The following TSG101 variants were observed in gnomAD, a reference collection of about 807,000 sequenced individuals.
TSG101 encodes the protein tumor susceptibility gene 101 protein.
Under a neutral mutation model 48.5 loss-of-function variants are expected in TSG101, and 19 were observed. The observed-to-expected ratio is 0.39, with a 90% CI of 0.27 to 0.58. The LOEUF (loss-of-function observed/expected upper bound fraction) is 0.58. Among genes scored for constraint, TSG101 ranks in the 20% least tolerant of loss-of-function variants. The pLI, the probability that TSG101 is intolerant of heterozygous loss-of-function variation, is 0.55. For synonymous variants in TSG101, 174 were observed against 169.4 expected (o/e 1.03, Z -0.21); for missense variants, 365 against 484.4 (o/e 0.75, Z 2.31).
At chr11:18,509,457 T>G (rs1850039610) in intron 5 of TSG101, 85 bp downstream of exon 5, 2 of 1,487,756 alleles carry the variant, frequency 1.3e-6, no homozygotes, top group Admixed American at 4.3e-5. Flanking sequence ...AGCAAAGAAG[T>G]CATTATTTTT....
chr11:18,499,959 G>A (rs963757694), intron 7 of TSG101, among the ~76,000 whole-genome samples: 1 of 151,910 alleles, frequency 6.6e-6, no homozygotes. Context: ...CTATCTAACT[G>A]TATGTTTGTA....
At chr11:18,490,699 C>T (rs1362624651) in intron 7 of TSG101, 1 of 447,040 alleles carries the variant, frequency 2.2e-6, no homozygotes, top group African/African-American at 2.0e-5. Flanking sequence ...GCAGTTCTGC[C>T]TCTATCTTCT....
intron 1 of TSG101, among the ~76,000 whole-genome samples, chr11:18,521,640 C>T (rs2133934247): frequency 6.8e-6 from 1 of 146,592 alleles, no homozygotes; most frequent in East Asian, 2.0e-4. Context: ...GTTGGTATTA[C>T]AGGTATGAAC....
intron 7 of TSG101, among the ~76,000 whole-genome samples, chr11:18,496,962 G>A (rs1338078324): frequency 6.6e-6 from 1 of 151,972 alleles, no homozygotes; most frequent in Non-Finnish European, 1.5e-5. Flanking sequence ...GTGGTGGTAC[G>A]CTCCTCTAAT....
chr11:18,512,862 G>C (rs1850111583), intron 4 of TSG101, among the ~76,000 whole-genome samples: 1 of 151,594 alleles, frequency 6.6e-6, no homozygotes, highest in South Asian at 2.1e-4. Context: ...GGAGTAGCTG[G>C]GATTATAGAC....
intron 8 of TSG101, among the ~76,000 whole-genome samples, chr11:18,482,637 G>C (rs1180703349): frequency 6.6e-6 from 1 of 152,174 alleles, no homozygotes; most frequent in East Asian, 1.9e-4. Context: ...GACTGTCCAA[G>C]GCATAGCTGT....
At chr11:18,509,401 G>A (rs1424002411) in intron 5 of TSG101, 141 bp downstream of exon 5, 29 of 1,116,700 alleles carry the variant, frequency 2.6e-5, no homozygotes, top group Non-Finnish European at 3.5e-5. Context: ...GCAGATGTGG[G>A]GCCTCAGAAT....
chr11:18,507,766 C>G (rs139534572), intron 5 of TSG101: 1 of 152,176 alleles, frequency 6.6e-6, no homozygotes, highest in Admixed American at 6.5e-5. Context: ...TACTGCACTT[C>G]CAATGTCAAT....
chr11:18,500,651 G>A (rs914077132), intron 7 of TSG101, among the ~76,000 whole-genome samples: 1 of 151,982 alleles, frequency 6.6e-6, no homozygotes, highest in Admixed American at 6.6e-5. Flanking sequence ...GTCTATTCAT[G>A]TTCTTTGCCC....
At chr11:18,509,514 T>A (rs774713830) in intron 5 of TSG101, 28 bp downstream of exon 5, 4 of 1,604,830 alleles carry the variant, frequency 2.5e-6, no homozygotes, top group Non-Finnish European at 3.4e-6. Context: ...TTATATGAGT[T>A]TTAAAGTAAA....
At chr11:18,485,132 T>C (rs17492613) in intron 7 of TSG101, among the ~76,000 whole-genome samples, 3,211 of 152,188 alleles carry the variant, frequency 0.021, 48 homozygotes, top group Middle Eastern at 0.055. Flanking sequence ...ACCTGTTAGA[T>C]GATCCTGCTT....
chr11:18,499,400 A>ATTTT (rs1204737360), intron 7 of TSG101, among the ~76,000 whole-genome samples: 2 of 6,788 alleles, frequency 2.9e-4, no homozygotes, highest in African/African-American at 4.1e-4. Flanking sequence ...ATATATATAT[A>ATTTT]TATTTTTTTT....
intron 7 of TSG101, among the ~76,000 whole-genome samples, 172 bp from the exon 8 acceptor site, chr11:18,484,244 C>T (rs1269011759): frequency 1.3e-5 from 2 of 152,218 alleles, no homozygotes. Flanking sequence ...TGAGTTGATT[C>T]AGAAATACTT....
At chr11:18,512,926 C>T (rs1166593755) in intron 4 of TSG101, among the ~76,000 whole-genome samples, 1 of 151,822 alleles carries the variant, frequency 6.6e-6, no homozygotes, top group Non-Finnish European at 1.5e-5. Context: ...TGGGATTTCA[C>T]CATGTTGGCC....
intron 1 of TSG101, among the ~76,000 whole-genome samples, chr11:18,525,318 G>A (rs1235536789): frequency 1.3e-5 from 2 of 152,018 alleles, no homozygotes; most frequent in East Asian, 3.9e-4. Context: ...AAGCCAAAGC[G>A]GTGGATCACT....
chr11:18,511,894 ATGGCCTTTT>A (rs1231893553), intron 4 of TSG101, among the ~76,000 whole-genome samples: 2 of 152,092 alleles, frequency 1.3e-5, no homozygotes, highest in Non-Finnish European at 2.9e-5. Context: ...CATACAATAT[ATGGCCTTTT>A]GTGCTTGGCT....
Position 18,506,899 on chromosome 11 carries a change from C to T in TSG101, c.506G>A (p.Gly169Asp), listed in dbSNP as rs190177164. 1.2e-6 allele frequency: 2 copies of T among 1,606,840 alleles called. No individual in the cohort carries two copies. The highest frequency in any genetic ancestry group is 1.7e-5 in the Admixed American group (1 of 59,758). The change falls in exon 6 of 10, where the codon GGT becomes GAT. Residue 169 changes from glycine (G) to aspartate (D), a missense_variant. Coordinates refer to ENST00000251968, the MANE Select transcript of TSG101 (RefSeq NM_006292.4). The stretch of plus-strand genomic sequence containing the variant: ...TCCGGATGGGTATGGAGAGATTCCA[C>T]CTGGCATGCCTGGCATGTAGGAAGC... ...PNTSYMPGMP[G>D]GISPYPSGYP...
At chr11:18,510,161 C>G (rs189115888) in intron 4 of TSG101, among the ~76,000 whole-genome samples, 1 of 152,182 alleles carries the variant, frequency 6.6e-6, no homozygotes, top group Non-Finnish European at 1.5e-5. Context: ...TGGTTCACAC[C>G]TGTAATCCCA....
At chr11:18,520,002 C>T (rs1268585517) in intron 1 of TSG101, among the ~76,000 whole-genome samples, 1 of 152,146 alleles carries the variant, frequency 6.6e-6, no homozygotes, top group African/African-American at 2.4e-5. Flanking sequence ...TAACCACCAC[C>T]ATAATCAACT....
Sources: allele counts gnomAD v4.1 joint callset (sites outside exome capture counted in the v4.1 genomes callset), GRCh38; gene constraint gnomAD v4.1.1; transcripts MANE v1.5; gene names NCBI Gene and HGNC (gene_info 2026-07-23, HGNC 2026-07-21).